Variants in TPST1 observed in about 807,000 individuals in gnomAD.
TPST1 encodes protein-tyrosine sulfotransferase 1.
TPST1 carries 20 observed loss-of-function variants against 34.8 expected under a neutral mutation model. The ratio of observed to expected loss-of-function variants is 0.57; its 90% CI spans 0.40 to 0.84. TPST1 has a LOEUF of 0.84. Among genes scored for constraint, TPST1 ranks in the 40% least tolerant of loss-of-function variants. The probability of loss-of-function intolerance (pLI) is 0.00; values close to 1 mark genes in which losing one functional copy is unlikely to be tolerated. For missense variants in TPST1, 353 were observed against 455.5 expected (o/e 0.78, Z 2.05); for synonymous variants, 152 against 159.4 (o/e 0.95, Z 0.35).
intron 1 of TPST1, among the ~76,000 whole-genome samples, chr7:66,214,683 G>A (rs1215466811): frequency 1.3e-5 from 2 of 150,588 alleles, no homozygotes; most frequent in East Asian, 1.9e-4. Flanking sequence ...ATGGCATGGC[G>A]GCACACACCT....
chr7:66,313,286 G>A (rs1313382719), intron 3 of TPST1, among the ~76,000 whole-genome samples: 4 of 152,072 alleles, frequency 2.6e-5, no homozygotes, highest in African/African-American at 9.7e-5. Context: ...GTGGTGGCAT[G>A]TGCCTATAAT....
intron 5 of TPST1, among the ~76,000 whole-genome samples, chr7:66,357,423 T>C (rs1274808378): frequency 1.3e-5 from 2 of 152,232 alleles, no homozygotes; most frequent in African/African-American, 4.8e-5. Context: ...TTTGTTTGTT[T>C]GTTTGTTTCT....
chr7:66,303,064 ACCT>A (rs1430019281), intron 3 of TPST1, among the ~76,000 whole-genome samples: 1 of 151,976 alleles, frequency 6.6e-6, no homozygotes, highest in East Asian at 1.9e-4. Flanking sequence ...CTCACATGAC[ACCT>A]CTTCTGTGCC....
intron 2 of TPST1, among the ~76,000 whole-genome samples, chr7:66,270,120 T>TA (rs1464845754): frequency 6.6e-6 from 1 of 152,022 alleles, no homozygotes; most frequent in Middle Eastern, 3.2e-3. Context: ...GCCAAGTAGA[T>TA]ATTACAGGAA....
chr7:66,313,340 G>A (rs1171901469), intron 3 of TPST1, among the ~76,000 whole-genome samples: 2 of 152,084 alleles, frequency 1.3e-5, no homozygotes, highest in Admixed American at 6.6e-5. Flanking sequence ...ATTTGAACTC[G>A]GGAGGCGGAG....
At chr7:66,326,691 T>C (rs960830629) in intron 3 of TPST1, among the ~76,000 whole-genome samples, 4 of 152,194 alleles carry the variant, frequency 2.6e-5, no homozygotes, top group African/African-American at 9.7e-5. Flanking sequence ...TCACGACACA[T>C]TCCCAACTCA....
chr7:66,210,840 A>G (rs979878741), intron 1 of TPST1, among the ~76,000 whole-genome samples: 1 of 152,130 alleles, frequency 6.6e-6, no homozygotes, highest in Non-Finnish European at 1.5e-5. Flanking sequence ...GTGATGGCAC[A>G]TGCCTGTAGT....
chr7:66,226,975 A>G (rs1047355307), intron 1 of TPST1, among the ~76,000 whole-genome samples: 1 of 148,818 alleles, frequency 6.7e-6, no homozygotes, highest in Non-Finnish European at 1.5e-5. Flanking sequence ...GAAGCAGTGG[A>G]AAAACAGGCG....
chr7:66,299,399 T>G (rs1397558180), intron 3 of TPST1, among the ~76,000 whole-genome samples: 1 of 151,756 alleles, frequency 6.6e-6, no homozygotes, highest in Non-Finnish European at 1.5e-5. Flanking sequence ...CGTTTTGTAT[T>G]TTTTTTAACT....
intron 2 of TPST1, among the ~76,000 whole-genome samples, chr7:66,255,180 G>A (rs1430572424): frequency 3.3e-5 from 5 of 151,750 alleles, no homozygotes; most frequent in Non-Finnish European, 5.9e-5. Flanking sequence ...GTTTTTAAGT[G>A]GGGACAGTTT....
intron 3 of TPST1, among the ~76,000 whole-genome samples, chr7:66,347,702 A>G (rs1037077504): frequency 6.6e-6 from 1 of 152,154 alleles, no homozygotes; most frequent in Admixed American, 6.5e-5. Flanking sequence ...TGTTTTTTCT[A>G]TTTCTGAGTA....
At chr7:66,283,558 T>C (rs1306278002) in intron 2 of TPST1, among the ~76,000 whole-genome samples, 1 of 152,166 alleles carries the variant, frequency 6.6e-6, no homozygotes, top group Non-Finnish European at 1.5e-5. Flanking sequence ...ACTTTACTTA[T>C]GGATATTGAT....
At chr7:66,199,420 G>A in the TPST1 span, among the ~76,000 whole-genome samples, 2 of 149,024 alleles carry the variant, frequency 1.3e-5, no homozygotes, top group South Asian at 2.1e-4. Context: ...TCAGCCTCCC[G>A]AGTAGCTGGG....
intron 1 of TPST1, among the ~76,000 whole-genome samples, chr7:66,240,088 C>T (rs139936726): frequency 0.019 from 2,818 of 152,070 alleles, 32 homozygotes; most frequent in Middle Eastern, 0.048. Context: ...GGGGTTTCAC[C>T]GTGTTGGCCG....
At chr7:66,231,983 G>C (rs1282996755) in intron 1 of TPST1, among the ~76,000 whole-genome samples, 1 of 152,150 alleles carries the variant, frequency 6.6e-6, no homozygotes, top group Non-Finnish European at 1.5e-5. Flanking sequence ...CTTTTTTATG[G>C]CTGAATAATA....
chr7:66,228,612 A>G (rs1486598076), intron 1 of TPST1, among the ~76,000 whole-genome samples: 1 of 152,222 alleles, frequency 6.6e-6, no homozygotes, highest in Non-Finnish European at 1.5e-5. Flanking sequence ...TTGGATCCAT[A>G]AGAACACTTC....
At chr7:66,275,696 A>G (rs1025135055) in intron 2 of TPST1, among the ~76,000 whole-genome samples, 1 of 152,198 alleles carries the variant, frequency 6.6e-6, no homozygotes, top group Non-Finnish European at 1.5e-5. Flanking sequence ...CAAGAGTAGA[A>G]TGGTGGTTAC....
chr7:66,200,948 G>A (rs971304586), upstream of TPST1, among the ~76,000 whole-genome samples: 1 of 151,890 alleles, frequency 6.6e-6, no homozygotes, highest in East Asian at 1.9e-4. Context: ...GGCTGGTCTC[G>A]AACTACTGAT....
intron 2 of TPST1, among the ~76,000 whole-genome samples, chr7:66,261,804 T>C (rs1300198379): frequency 6.6e-6 from 1 of 152,182 alleles, no homozygotes; most frequent in African/African-American, 2.4e-5. Flanking sequence ...AGTAATGGCA[T>C]TTACGTCATA....
Sources: allele counts gnomAD v4.1 joint callset (sites outside exome capture counted in the v4.1 genomes callset), GRCh38; gene constraint gnomAD v4.1.1; transcripts MANE v1.5; gene names NCBI Gene and HGNC (gene_info 2026-07-23, HGNC 2026-07-21).